TAF3: variants seen among roughly 807,000 people sequenced by gnomAD.
TAF3 encodes transcription initiation factor TFIID subunit 3.
In TAF3, 7 loss-of-function variants were observed where a neutral mutation model predicts 80.6. The observed-to-expected ratio is 0.09, with a 90% CI of 0.05 to 0.16. The LOEUF (loss-of-function observed/expected upper bound fraction) is 0.16. TAF3 is among the 10% of genes least tolerant of loss of function. The pLI, the probability that TAF3 is intolerant of heterozygous loss-of-function variation, is 1.00. For synonymous variants in TAF3, 444 were observed against 446.1 expected (o/e 1.00, Z 0.06); for missense variants, 921 against 1,140.2 (o/e 0.81, Z 2.77).
At chr10:7,925,014 C>T (rs1391672954) in intron 2 of TAF3, among the ~76,000 whole-genome samples, 2 of 152,166 alleles carry the variant, frequency 1.3e-5, no homozygotes. Flanking sequence ...TTGTAAGGTT[C>T]AAACTATATA....
At chr10:7,986,856 A>G (rs1045160962) in intron 4 of TAF3, among the ~76,000 whole-genome samples, 1 of 152,214 alleles carries the variant, frequency 6.6e-6, no homozygotes, top group African/African-American at 2.4e-5. Flanking sequence ...ACATAAGAAG[A>G]TCTGAGAAGC....
At chr10:8,004,924 T>G (rs748662398) in intron 4 of TAF3, among the ~76,000 whole-genome samples, 1 of 152,240 alleles carries the variant, frequency 6.6e-6, no homozygotes, top group African/African-American at 2.4e-5. Context: ...TTAGACCTTT[T>G]ATTGTATTCT....
intron 2 of TAF3, among the ~76,000 whole-genome samples, chr10:7,853,920 A>C (rs1588524945): frequency 1.3e-5 from 2 of 152,348 alleles, no homozygotes; most frequent in East Asian, 3.9e-4. Flanking sequence ...ATCAATAAAA[A>C]CATCTGTGAG....
chr10:7,974,133 TACACACACACACACAC>T (rs56363651), intron 3 of TAF3, among the ~76,000 whole-genome samples: 75 of 145,362 alleles, frequency 5.2e-4, no homozygotes, highest in Admixed American at 3.8e-3. Context: ...TTCTGAAACA[TACACACACACACACAC>T]ACACACACAC....
intron 2 of TAF3, among the ~76,000 whole-genome samples, chr10:7,828,365 G>T (rs1386590632): frequency 6.6e-6 from 1 of 152,248 alleles, no homozygotes; most frequent in African/African-American, 2.4e-5. Context: ...ATTATCCGCA[G>T]TGTGAAGATG....
intron 3 of TAF3, chr10:7,975,070 C>CA (rs35755700): frequency 0.072 from 12,538 of 173,410 alleles, 591 homozygotes; most frequent in African/African-American, 0.17. Context: ...GACTCTGTCT[C>CA]AAAAAAAAAA....
In TAF3 at chr10:7,928,022, G is replaced by A. The variant is rs542691069; in HGVS notation, c.410-35898G>A. 2.6e-5 allele frequency among the ~76,000 whole-genome samples: 4 copies of A among 151,778 alleles called. No homozygotes were observed. The East Asian group carries it at 7.8e-4, about 29-fold the overall frequency. On this transcript the variant is annotated intron_variant, in intron 2 of 6. Transcript: ENST00000344293. The stretch of plus-strand genomic sequence containing the variant: ...TTTGATGAAGAATTATTTGTTTTAC[G>A]GCCTCTAACATTTTATTTTGAAAGG...
chr10:7,882,014 C>T (rs553218166), intron 2 of TAF3, among the ~76,000 whole-genome samples: 160 of 152,236 alleles, frequency 1.1e-3, no homozygotes, highest in Non-Finnish European at 1.9e-3. Flanking sequence ...AAACAGGTGT[C>T]GATTGGGCAC....
At chr10:7,902,126 T>C (rs1252629370) in intron 2 of TAF3, among the ~76,000 whole-genome samples, 2 of 152,168 alleles carry the variant, frequency 1.3e-5, no homozygotes, top group Admixed American at 6.5e-5. Context: ...GACTTTAACA[T>C]TGATGTAACA....
intron 2 of TAF3, among the ~76,000 whole-genome samples, chr10:7,883,549 A>G (rs1159173778): frequency 6.6e-6 from 1 of 152,178 alleles, no homozygotes; most frequent in Non-Finnish European, 1.5e-5. Flanking sequence ...GACTATGTAA[A>G]TACTCTGTTT....
intron 3 of TAF3, among the ~76,000 whole-genome samples, chr10:7,974,358 A>G (rs1831650591): frequency 6.6e-6 from 1 of 152,210 alleles, no homozygotes; most frequent in Non-Finnish European, 1.5e-5. Context: ...TTGATACGTT[A>G]AGATTTCAGT....
chr10:8,014,743 G>A lies in TAF3; in HGVS notation c.2782G>A (p.Ala928Thr), dbSNP rs746402566. Residue 928 changes from alanine (A) to threonine (T), a missense_variant, in exon 7 of 7, where the codon GCC becomes ACC. Physicochemically the swap from Ala to Thr is moderately conservative, Grantham distance 58. Transcript: ENST00000344293. ...DKKHKKRKHR[A>T]H ...AAAGCACAAGAAGAGGAAGCATCGA[G>A]CCCACTGACGACTCCCGAGGGGCTG... 21 of 1,592,476 alleles carry A rather than the reference G, an allele frequency of 1.3e-5. No individual in the cohort carries two copies. The highest frequency in any genetic ancestry group is 1.8e-5 in the Non-Finnish European group (21 of 1,169,246).
chr10:7,917,722 C>G (rs536617367), intron 2 of TAF3, among the ~76,000 whole-genome samples: 66 of 152,216 alleles, frequency 4.3e-4, no homozygotes, highest in Middle Eastern at 3.4e-3. Context: ...AGCAGTTGTG[C>G]TACTGGACTA....
At chr10:7,977,199 G>A (rs1831681720) in intron 3 of TAF3, 42 bp from the exon 4 acceptor site, 1 of 1,598,062 alleles carries the variant, frequency 6.3e-7, no homozygotes, top group African/African-American at 1.3e-5. Flanking sequence ...AGGTACTTTT[G>A]TTGAAAAACC....
At chr10:8,002,746 A>G (rs1383585974) in intron 4 of TAF3, among the ~76,000 whole-genome samples, 1 of 152,016 alleles carries the variant, frequency 6.6e-6, no homozygotes, top group Admixed American at 6.6e-5. Context: ...TGGTTTTTTG[A>G]CTGCTTATTC....
intron 1 of TAF3, among the ~76,000 whole-genome samples, chr10:7,819,363 G>C (rs549032299): frequency 1.6e-4 from 25 of 152,232 alleles, no homozygotes; most frequent in Middle Eastern, 3.4e-3. Flanking sequence ...GCTCTGCTCC[G>C]TTAGGGACAC....
chr10:7,918,556 G>A (rs1312928029), intron 2 of TAF3, among the ~76,000 whole-genome samples: 1 of 152,130 alleles, frequency 6.6e-6, no homozygotes, highest in African/African-American at 2.4e-5. Context: ...GGGTCCTGGG[G>A]TGGAGTTGGG....
chr10:7,861,820 A>T (rs570553793), intron 2 of TAF3, among the ~76,000 whole-genome samples: 2 of 151,878 alleles, frequency 1.3e-5, no homozygotes, highest in East Asian at 3.9e-4. Context: ...GAGTTACTGA[A>T]CTTCTTTAAT....
At chr10:7,820,093 A>G (rs569663240) in intron 1 of TAF3, among the ~76,000 whole-genome samples, 2 of 152,274 alleles carry the variant, frequency 1.3e-5, no homozygotes, top group South Asian at 4.1e-4. Context: ...GCCTTTTCCA[A>G]AATGTTTTAA....
Sources: gnomAD v4.1 joint callset for allele counts (sites outside exome capture counted in the v4.1 genomes callset) on GRCh38, gnomAD v4.1.1 for gene constraint, MANE v1.5 for transcripts, NCBI Gene and HGNC (gene_info 2026-07-23, HGNC 2026-07-21) for gene names.